The following ARHGEF4 variants were observed in gnomAD, a reference collection of about 807,000 sequenced individuals.
The protein encoded by ARHGEF4 is Rho guanine nucleotide exchange factor 4.
A neutral mutation model predicts 162.0 loss-of-function variants in ARHGEF4; 119 were observed. The observed-to-expected ratio is 0.73, with a 90% CI of 0.63 to 0.86. The LOEUF (loss-of-function observed/expected upper bound fraction) is 0.86. Among genes scored for constraint, ARHGEF4 ranks in the 40% least tolerant of loss-of-function variants. The pLI, the probability that ARHGEF4 is intolerant of heterozygous loss-of-function variation, is 0.00. For synonymous variants in ARHGEF4, 1,014 were observed against 979.9 expected (o/e 1.03, Z -0.65); for missense variants, 2,488 against 2,456.0 (o/e 1.01, Z -0.28).
intron 4 of ARHGEF4, among the ~76,000 whole-genome samples, chr2:130,950,959 G>A (rs1475633341): frequency 1.3e-5 from 2 of 152,132 alleles, no homozygotes; most frequent in Non-Finnish European, 2.9e-5. Context: ...CTACTACCTT[G>A]CACTTCAGTG....
At chr2:130,973,114 A>G (rs1192578782) in intron 4 of ARHGEF4, among the ~76,000 whole-genome samples, 4 of 152,274 alleles carry the variant, frequency 2.6e-5, no homozygotes, top group African/African-American at 9.6e-5. Context: ...CAGGTAAGTG[A>G]TGTGAACCCC....
intron 4 of ARHGEF4, among the ~76,000 whole-genome samples, chr2:130,952,406 C>T (rs553632747): frequency 1.1e-4 from 17 of 152,186 alleles, no homozygotes; most frequent in East Asian, 5.8e-4. Context: ...ATTGATGGAA[C>T]GTATCACAAA....
intron 1 of ARHGEF4, among the ~76,000 whole-genome samples, chr2:130,844,829 T>C (rs1293494336): frequency 6.6e-6 from 1 of 151,828 alleles, no homozygotes; most frequent in Non-Finnish European, 1.5e-5. Context: ...TATATGTATA[T>C]ATATATATTT....
At chr2:130,918,229 T>TA (rs1171578510) in intron 2 of ARHGEF4, among the ~76,000 whole-genome samples, 1 of 152,216 alleles carries the variant, frequency 6.6e-6, no homozygotes, top group African/African-American at 2.4e-5. Flanking sequence ...CAGCTGGACT[T>TA]ACTTCGTATA....
chr2:130,902,151 C>T (rs182310759), intron 1 of ARHGEF4, among the ~76,000 whole-genome samples: 29 of 152,308 alleles, frequency 1.9e-4, no homozygotes, highest in African/African-American at 6.7e-4. Context: ...GCATTAGCCT[C>T]TCCATTTTGT....
At chr2:131,001,670 G>A (rs900796726) in intron 4 of ARHGEF4, among the ~76,000 whole-genome samples, 2 of 152,130 alleles carry the variant, frequency 1.3e-5, no homozygotes, top group Non-Finnish European at 2.9e-5. Context: ...ACTCTTCCAT[G>A]TATGCATAGC....
chr2:130,957,489 C>G (rs1684358959), intron 4 of ARHGEF4, among the ~76,000 whole-genome samples: 1 of 152,072 alleles, frequency 6.6e-6, no homozygotes, highest in South Asian at 2.1e-4. Context: ...TATAAATAGG[C>G]ATGAAGGAAC....
intron 5 of ARHGEF4, among the ~76,000 whole-genome samples, chr2:131,038,183 T>C (rs1042244598): frequency 2.0e-5 from 3 of 152,152 alleles, no homozygotes; most frequent in African/African-American, 4.8e-5. Context: ...TTACAGGCAA[T>C]GCTCATCCAC....
intron 4 of ARHGEF4, among the ~76,000 whole-genome samples, chr2:130,974,745 A>G (rs1218170568): frequency 6.6e-6 from 1 of 151,952 alleles, no homozygotes; most frequent in African/African-American, 2.4e-5. Context: ...TACAAGTGTG[A>G]GCTACTGCAC....
rs373150390 is a variant in ARHGEF4 at position 130,924,041 on chromosome 2, C to T, written c.3552+6543C>T. Among the ~76,000 whole-genome samples, 19 of 151,780 alleles carry T rather than the reference C, an allele frequency of 1.3e-4. No individual in the cohort carries two copies. In the East Asian group the frequency reaches 2.0e-3, roughly 16 times the overall value. ...GACTACAGGCACCCGCCAACACACT[C>T]GGCTAATTTTTTTGTGCTTTTAGTA... On this transcript the variant is annotated intron_variant, in intron 2 of 13. Transcript: ENST00000409359.
At chr2:130,845,490 G>T (rs1037267013) in intron 1 of ARHGEF4, among the ~76,000 whole-genome samples, 1 of 151,436 alleles carries the variant, frequency 6.6e-6, no homozygotes, top group Non-Finnish European at 1.5e-5. Flanking sequence ...GTAGAGATGG[G>T]GTTTCACCAT....
intron 4 of ARHGEF4, among the ~76,000 whole-genome samples, chr2:130,979,397 C>T (rs1449340967): frequency 6.6e-6 from 1 of 152,060 alleles, no homozygotes; most frequent in Non-Finnish European, 1.5e-5. Flanking sequence ...TTCAGGGAAC[C>T]TAATATCCAA....
intron 4 of ARHGEF4, among the ~76,000 whole-genome samples, chr2:130,988,899 T>TAGAGAGAGAGAGAGAG (rs1174212061): frequency 1.8e-5 from 2 of 113,060 alleles, no homozygotes; most frequent in East Asian, 7.0e-4. Context: ...TATATATATA[T>TAGAGAGAGAGAGAGAG]ATAGAGAGAG....
At chr2:130,971,844 T>C (rs1204502198) in intron 4 of ARHGEF4, among the ~76,000 whole-genome samples, 2 of 152,166 alleles carry the variant, frequency 1.3e-5, no homozygotes, top group African/African-American at 4.8e-5. Flanking sequence ...CCACCAGACC[T>C]CACTGCAGTG....
At chr2:131,023,659 A>G (rs1318031796) in intron 4 of ARHGEF4, among the ~76,000 whole-genome samples, 1 of 152,232 alleles carries the variant, frequency 6.6e-6, no homozygotes, top group African/African-American at 2.4e-5. Context: ...TGAGAGTAAT[A>G]GGAACGTAAA....
At chr2:130,925,631 T>C (rs1331027339) in intron 2 of ARHGEF4, among the ~76,000 whole-genome samples, 1 of 152,236 alleles carries the variant, frequency 6.6e-6, no homozygotes, top group Non-Finnish European at 1.5e-5. Context: ...TCTTGAAAAG[T>C]GACACTTGAA....
Position 131,023,074 on chromosome 2 carries a change from C to CAA in ARHGEF4, c.3986-4851_3986-4850dup, listed in dbSNP as rs56868632. Among the ~76,000 whole-genome samples the CAA allele has an allele frequency of 5.2e-3, 344 of 66,598 alleles. 16 individuals carry two copies. Among genetic ancestry groups the CAA allele is most frequent in the African/African-American group, 0.016 (290 of 18,252 alleles). The allele number at this position is 66,598 out of a possible 152,430, so 43.7% of individuals were successfully genotyped here. A position where few individuals can be genotyped will look rare whatever the true frequency, so the allele number is the denominator to read the frequency against. On this transcript the variant is annotated intron_variant, in intron 4 of 13. Coordinates refer to ENST00000409359, the MANE Select transcript of ARHGEF4 (RefSeq NM_001367493.1). ...TGGGCAACATGGTGAAACCCTGTCTCAAAAAAAAAAAAAAAAAAAAAGAAC... is the reference window on the plus strand; with the variant it reads ...TGGGCAACATGGTGAAACCCTGTCTCAAAAAAAAAAAAAAAAAAAAAAAGAAC...
chr2:130,929,119 C>T (rs114025744), intron 2 of ARHGEF4, among the ~76,000 whole-genome samples: 128 of 152,292 alleles, frequency 8.4e-4, no homozygotes, highest in African/African-American at 2.9e-3. Context: ...TGAGGCAAGT[C>T]GCTTAAGTTC....
At chr2:130,851,235 A>G (rs1374531631) in intron 1 of ARHGEF4, among the ~76,000 whole-genome samples, 3 of 152,242 alleles carry the variant, frequency 2.0e-5, no homozygotes, top group Admixed American at 6.5e-5. Context: ...GGCAGCTGTG[A>G]CCTGGGAATG....
Sources: allele counts gnomAD v4.1 joint callset (sites outside exome capture counted in the v4.1 genomes callset), GRCh38; gene constraint gnomAD v4.1.1; transcripts MANE v1.5; gene names NCBI Gene and HGNC (gene_info 2026-07-23, HGNC 2026-07-21).